The following WDR59 variants were observed in gnomAD, a reference collection of about 807,000 sequenced individuals.
The protein encoded by WDR59 is GATOR2 complex protein WDR59.
Under a neutral mutation model 131.2 loss-of-function variants are expected in WDR59, and 100 were observed. The ratio of observed to expected loss-of-function variants is 0.76; its 90% CI spans 0.65 to 0.90. The LOEUF is 0.90. Ranked by LOEUF, WDR59 falls within the 40% of genes least tolerant of loss-of-function variation. The pLI, the probability that WDR59 is intolerant of heterozygous loss-of-function variation, is 0.00. For missense variants in WDR59, 1,203 were observed against 1,262.2 expected (o/e 0.95, Z 0.71); for synonymous variants, 601 against 466.2 (o/e 1.29, Z -3.72).
At chr16:74,924,152 T>C in intron 8 of WDR59, 149 bp from the exon 9 acceptor site, 1 of 670,182 alleles carries the variant, frequency 1.5e-6, no homozygotes. Flanking sequence ...AACCACGCAC[T>C]GTGACAGAGA....
At chr16:74,926,574 G>C (rs902983212) in intron 8 of WDR59, among the ~76,000 whole-genome samples, 3 of 152,154 alleles carry the variant, frequency 2.0e-5, no homozygotes, top group African/African-American at 7.2e-5. Flanking sequence ...ATCCACACGT[G>C]TACTCTCACA....
intron 25 of WDR59, among the ~76,000 whole-genome samples, chr16:74,875,163 C>T (rs1040661193): frequency 2.6e-5 from 4 of 152,218 alleles, no homozygotes; most frequent in South Asian, 2.1e-4. Context: ...ACTGCCCACT[C>T]GCCACTGGCC....
intron 1 of WDR59, among the ~76,000 whole-genome samples, chr16:74,973,706 A>G (rs540484071): frequency 7.2e-5 from 11 of 152,156 alleles, no homozygotes; most frequent in African/African-American, 2.6e-4. Context: ...AAATGAGAAC[A>G]TTCTTTGAAT....
chr16:74,975,656 C>CT (rs1339589897), intron 1 of WDR59, among the ~76,000 whole-genome samples: 1 of 148,102 alleles, frequency 6.8e-6, no homozygotes, highest in African/African-American at 2.5e-5. Flanking sequence ...AAGAGTGAAA[C>CT]TCCGTCTCAA....
At chr16:74,942,252 A>T (rs563142679) in intron 7 of WDR59, among the ~76,000 whole-genome samples, 1 of 152,086 alleles carries the variant, frequency 6.6e-6, no homozygotes, top group Non-Finnish European at 1.5e-5. Flanking sequence ...TGTAAGAGTA[A>T]ATGTAAGCAT....
intron 17 of WDR59, among the ~76,000 whole-genome samples, chr16:74,906,590 A>T (rs374333456): frequency 1.3e-4 from 20 of 152,348 alleles, no homozygotes; most frequent in African/African-American, 4.8e-4. Context: ...AGGTTTGCTC[A>T]TAATGGCCGA....
At position 74,975,916 on chromosome 16, in the gene WDR59, T is replaced by C. The variant is rs1327739878; in HGVS notation, c.54+9048A>G. 2.6e-5 allele frequency among the ~76,000 whole-genome samples: 4 copies of C among 151,860 alleles called. No individual in the cohort carries two copies. In the East Asian group the frequency reaches 7.7e-4, roughly 29 times the overall value. ...CTGTGATCACAGCACTTTGGGAGGCTAAGGTGGGAGGATCACTTAAACTCA... is the reference window on the plus strand; with the variant it reads ...CTGTGATCACAGCACTTTGGGAGGCCAAGGTGGGAGGATCACTTAAACTCA... On this transcript the variant is annotated intron_variant, in intron 1 of 25. Transcript: ENST00000262144.
chr16:74,893,940 T>C (rs529725837), intron 18 of WDR59, 128 bp from the exon 19 acceptor site: 31 of 1,050,016 alleles, frequency 3.0e-5, no homozygotes, highest in Middle Eastern at 4.8e-4. Flanking sequence ...CCCACAATTA[T>C]GGGAATCAGC....
At chr16:74,933,645 G>C (rs2031576585) in intron 8 of WDR59, among the ~76,000 whole-genome samples, 1 of 152,136 alleles carries the variant, frequency 6.6e-6, no homozygotes, top group African/African-American at 2.4e-5. Context: ...GAGTGCATGT[G>C]GCATGATCTC....
intron 2 of WDR59, among the ~76,000 whole-genome samples, chr16:74,956,983 C>T (rs1354815579): frequency 6.6e-6 from 1 of 152,136 alleles, no homozygotes; most frequent in Non-Finnish European, 1.5e-5. Flanking sequence ...ATTTTGACCA[C>T]AGCATTTATC....
chr16:74,875,253 A>G (rs771381460), intron 25 of WDR59, among the ~76,000 whole-genome samples: 30 of 152,182 alleles, frequency 2.0e-4, no homozygotes, highest in Non-Finnish European at 3.7e-4. Context: ...AACCTGCTCT[A>G]TCTACTCTGC....
chr16:74,984,069 G>T (rs1021718573), intron 1 of WDR59, among the ~76,000 whole-genome samples: 1 of 151,998 alleles, frequency 6.6e-6, no homozygotes, highest in Non-Finnish European at 1.5e-5. Flanking sequence ...CTGAGGTCAG[G>T]AGTTCAAGAC....
At chr16:74,904,150 T>C (rs1424867721) in intron 17 of WDR59, 50 bp from the exon 18 acceptor site, 1 of 1,579,782 alleles carries the variant, frequency 6.3e-7, no homozygotes, top group Non-Finnish European at 8.6e-7. Flanking sequence ...CCTGTCATAT[T>C]TCCAAGTGGT....
chr16:74,978,573 T>A (rs183484528), intron 1 of WDR59, among the ~76,000 whole-genome samples: 2 of 152,324 alleles, frequency 1.3e-5, no homozygotes, highest in Admixed American at 6.5e-5. Flanking sequence ...CCATTTGTTA[T>A]AGAAATCCCA....
At chr16:74,899,595 C>T (rs1185820132) in intron 18 of WDR59, 2 of 980,214 alleles carry the variant, frequency 2.0e-6, no homozygotes, top group African/African-American at 3.4e-5. Flanking sequence ...AACAGCTCGC[C>T]TGTCATTTCA....
At chr16:74,887,795 G>T in intron 22 of WDR59, 40 bp from the exon 23 acceptor site, 2 of 1,573,794 alleles carry the variant, frequency 1.3e-6, no homozygotes, top group South Asian at 2.2e-5. Flanking sequence ...ACTAGCATGA[G>T]AATACCATTC....
chr16:74,954,555 T>C (rs2145154230), intron 3 of WDR59, among the ~76,000 whole-genome samples: 1 of 152,296 alleles, frequency 6.6e-6, no homozygotes, highest in South Asian at 2.1e-4. Context: ...GATGGGAGTA[T>C]AAAAGGTTTA....
chr16:74,984,306 G>C (rs1404639848), intron 1 of WDR59, among the ~76,000 whole-genome samples: 2 of 151,818 alleles, frequency 1.3e-5, no homozygotes, highest in African/African-American at 4.8e-5. Context: ...AAATTAAATA[G>C]AAAATTAAAA....
chr16:74,912,493 T>G, intron 13 of WDR59, 131 bp from the exon 14 acceptor site: 1 of 927,436 alleles, frequency 1.1e-6, no homozygotes, highest in East Asian at 2.8e-5. Context: ...GACAAATGTG[T>G]GTGGAAGACA....
Sources: allele counts gnomAD v4.1 joint callset (sites outside exome capture counted in the v4.1 genomes callset), GRCh38; gene constraint gnomAD v4.1.1; transcripts MANE v1.5; gene names NCBI Gene and HGNC (gene_info 2026-07-23, HGNC 2026-07-21).